Variants in PRKRA observed in about 807,000 individuals in gnomAD.
PRKRA encodes the protein protein activator of interferon induced protein kinase EIF2AK2.
Under a neutral mutation model 32.4 loss-of-function variants are expected in PRKRA, and 22 were observed. The observed-to-expected ratio is 0.68, with a 90% confidence interval of 0.49 to 0.97. The LOEUF is 0.97. Among genes scored for constraint, PRKRA ranks in the 50% least tolerant of loss-of-function variants. PRKRA has a pLI of 0.00. For missense variants in PRKRA, 319 were observed against 375.6 expected, an observed-to-expected ratio of 0.85 and a Z score of 1.25; for synonymous variants, 139 against 129.8, an observed-to-expected ratio of 1.07 and a Z score of -0.48.
intron 6 of PRKRA, among the ~76,000 whole-genome samples, chr2:178,440,796 T>C (rs1486237761): frequency 1.3e-5 from 2 of 152,218 alleles, no homozygotes; most frequent in African/African-American, 4.8e-5. Flanking sequence ...GATTTCCTTG[T>C]AATGTATAGA....
chr2:178,447,643 A>C, intron 2 of PRKRA, 57 bp from the exon 3 acceptor site: 1 of 1,294,634 alleles, frequency 7.7e-7, no homozygotes. Flanking sequence ...TGCAGCTTAC[A>C]AAGATGTTTT....
intron 6 of PRKRA, among the ~76,000 whole-genome samples, chr2:178,440,712 C>T (rs187563672): frequency 6.6e-6 from 1 of 152,318 alleles, no homozygotes; most frequent in South Asian, 2.1e-4. Context: ...TCATGTCTCA[C>T]GTGTCTTCTG....
chr2:178,440,969 C>T (rs562737259), intron 6 of PRKRA, among the ~76,000 whole-genome samples: 1 of 152,340 alleles, frequency 6.6e-6, no homozygotes, highest in South Asian at 2.1e-4. Flanking sequence ...CTACACACAA[C>T]AAATCACTTA....
intron 2 of PRKRA, chr2:178,449,966 G>A: frequency 1.9e-6 from 1 of 529,764 alleles, no homozygotes; most frequent in Admixed American, 3.2e-5. Flanking sequence ...AAGAACCCTA[G>A]GAGGATCCTA....
intron 6 of PRKRA, among the ~76,000 whole-genome samples, chr2:178,436,939 C>T (rs961555526): frequency 6.6e-6 from 1 of 152,062 alleles, no homozygotes; most frequent in Non-Finnish European, 1.5e-5. Flanking sequence ...TTTATCCTCC[C>T]CTATATCCTT....
chr2:178,450,695 C>G (rs2154125620), intron 1 of PRKRA: 2 of 1,407,484 alleles, frequency 1.4e-6, no homozygotes, highest in Non-Finnish European at 9.2e-7. Flanking sequence ...CGCAGCCTCT[C>G]AGGGAAAACC....
Position 178,431,949 on chromosome 2 carries a change from G to A in PRKRA, c.*148C>T. On this transcript the variant is annotated 3_prime_UTR_variant, in exon 8 of 8. Coordinates refer to ENST00000325748, the MANE Select transcript of PRKRA (RefSeq NM_003690.5). Reference sequence around the variant, plus strand: ...TTAAAAAGAGCTTAATAACAACTATGAGGAGATAATTAAATCTGGAGTGTT... The same window carrying A: ...TTAAAAAGAGCTTAATAACAACTATAAGGAGATAATTAAATCTGGAGTGTT... The A allele has an allele frequency of 1.0e-6, 1 of 952,828 alleles. No homozygotes were observed. The highest frequency in any genetic ancestry group is 1.6e-6 in the Non-Finnish European group (1 of 624,738). 59.0% of individuals were successfully genotyped at this position (952,828 alleles called of 1,614,324 possible).
At chr2:178,433,892 AC>A (rs1696773065) in intron 7 of PRKRA, 1 of 152,202 alleles carries the variant, frequency 6.6e-6, no homozygotes. Flanking sequence ...TTCCATATCT[AC>A]AAGAACTATT....
At chr2:178,449,021 T>C (rs1248491669) in intron 2 of PRKRA, among the ~76,000 whole-genome samples, 1 of 152,218 alleles carries the variant, frequency 6.6e-6, no homozygotes, top group Non-Finnish European at 1.5e-5. Flanking sequence ...ATTCTGTAAC[T>C]GGGCTTGGGA....
intron 6 of PRKRA, among the ~76,000 whole-genome samples, chr2:178,438,204 G>A (rs913868597): frequency 9.2e-5 from 14 of 152,202 alleles, no homozygotes; most frequent in Admixed American, 5.2e-4. Context: ...TTTTTAAAAA[G>A]AAAAACTCTT....
chr2:178,433,215 T>C (rs955333428), intron 7 of PRKRA, among the ~76,000 whole-genome samples: 2 of 152,220 alleles, frequency 1.3e-5, no homozygotes, highest in South Asian at 2.1e-4. Context: ...AGCTGAATAA[T>C]ATTTCATTGG....
chr2:178,434,300 AG>A (rs1696794534), intron 7 of PRKRA, among the ~76,000 whole-genome samples: 1 of 151,956 alleles, frequency 6.6e-6, no homozygotes. Context: ...TAGTAGAGAC[AG>A]GGTTTCACCG....
intron 1 of PRKRA, 56 bp downstream of exon 1, chr2:178,450,910 C>T (rs1697595314): frequency 1.3e-6 from 2 of 1,515,210 alleles, no homozygotes; most frequent in African/African-American, 1.4e-5. Flanking sequence ...TCCCCGCGCC[C>T]CGGCCCTGCC....
chr2:178,441,430 C>T (rs1474089127), intron 6 of PRKRA, among the ~76,000 whole-genome samples, 180 bp downstream of exon 6: 1 of 152,170 alleles, frequency 6.6e-6, no homozygotes, highest in Non-Finnish European at 1.5e-5. Flanking sequence ...ACCTAATTGC[C>T]TCTGTGATCC....
intron 6 of PRKRA, 45 bp downstream of exon 6, chr2:178,441,565 G>T: frequency 9.6e-7 from 1 of 1,043,078 alleles, no homozygotes; most frequent in Non-Finnish European, 1.3e-6. Flanking sequence ...CCTACTGCAA[G>T]AAATGCTTAA....
intron 5 of PRKRA, among the ~76,000 whole-genome samples, chr2:178,442,554 C>T (rs967935139): frequency 6.6e-6 from 1 of 152,170 alleles, no homozygotes; most frequent in African/African-American, 2.4e-5. Flanking sequence ...TGCTTAACTT[C>T]GCGAATCAAG....
intron 2 of PRKRA, among the ~76,000 whole-genome samples, chr2:178,449,769 G>A (rs1697476702): frequency 6.6e-6 from 1 of 152,150 alleles, no homozygotes; most frequent in South Asian, 2.1e-4. Context: ...CATTTTGTTT[G>A]GATACAGAAT....
At chr2:178,441,435 T>C (rs1188455196) in intron 6 of PRKRA, among the ~76,000 whole-genome samples, 175 bp downstream of exon 6, 1 of 152,228 alleles carries the variant, frequency 6.6e-6, no homozygotes, top group East Asian at 1.9e-4. Flanking sequence ...ATTGCCTCTG[T>C]GATCCTGACT....
In PRKRA at chr2:178,451,064, AGCGGT is replaced by A. The variant is rs1697613469; in HGVS notation, c.-39_-35del. 6.5e-7 allele frequency: 1 copy of A among 1,544,634 alleles called. No individual in the cohort carries two copies. Among genetic ancestry groups the A allele is most frequent in the Non-Finnish European group, 8.7e-7 (1 of 1,150,168 alleles). On this transcript the variant is annotated 5_prime_UTR_variant, in exon 1 of 8. Transcript: ENST00000325748. Reference sequence around the variant, plus strand: ...GGGACGGCTCAGCGGCTGGAGGAAGAGCGGTGCGGAGCGACGTGCTCGCTCCCCGG... The same window carrying A: ...GGGACGGCTCAGCGGCTGGAGGAAGAGCGGAGCGACGTGCTCGCTCCCCGG...
Sources: gnomAD v4.1 joint callset for allele counts (sites outside exome capture counted in the v4.1 genomes callset) on GRCh38, gnomAD v4.1.1 for gene constraint, MANE v1.5 for transcripts, NCBI Gene and HGNC (gene_info 2026-07-23, HGNC 2026-07-21) for gene names.